Variants in FBXW7 observed in about 807,000 individuals in gnomAD.
FBXW7 encodes F-box/WD repeat-containing protein 7.
Under a neutral mutation model 86.3 loss-of-function variants are expected in FBXW7, and 11 were observed. The observed-to-expected ratio is 0.13, with a 90% CI of 0.08 to 0.21. FBXW7 has a LOEUF of 0.21. Among genes scored for constraint, FBXW7 ranks in the 10% least tolerant of loss-of-function variants. FBXW7 has a pLI of 1.00. For missense variants in FBXW7, 488 were observed against 847.4 expected (o/e 0.58, Z 5.27); for synonymous variants, 313 against 297.9 (o/e 1.05, Z -0.52).
intron 2 of FBXW7, among the ~76,000 whole-genome samples, chr4:152,498,034 T>G (rs910418813): frequency 1.3e-5 from 2 of 152,094 alleles, no homozygotes; most frequent in African/African-American, 2.4e-5. Flanking sequence ...AATGAGTACC[T>G]CCAAAGAAGG....
intron 4 of FBXW7, among the ~76,000 whole-genome samples, chr4:152,406,056 C>A (rs1737394881): frequency 6.6e-6 from 1 of 152,108 alleles, no homozygotes; most frequent in Non-Finnish European, 1.5e-5. Flanking sequence ...TGTCCTTTTT[C>A]TTCATACTGT....
intron 2 of FBXW7, among the ~76,000 whole-genome samples, chr4:152,501,686 T>G (rs747017028): frequency 2.0e-5 from 3 of 152,216 alleles, no homozygotes; most frequent in Non-Finnish European, 4.4e-5. Context: ...AAGTTTGTTG[T>G]AAACCTGATG....
intron 2 of FBXW7, among the ~76,000 whole-genome samples, chr4:152,481,163 C>CACTT (rs1744844341): frequency 6.6e-6 from 1 of 152,140 alleles, no homozygotes; most frequent in South Asian, 2.1e-4. Context: ...GAACAATGAT[C>CACTT]ACTTATCATT....
intron 4 of FBXW7, among the ~76,000 whole-genome samples, chr4:152,408,513 G>T (rs924023154): frequency 3.9e-5 from 6 of 152,082 alleles, no homozygotes; most frequent in African/African-American, 7.2e-5. Context: ...TTTTTTAACA[G>T]CGTCATTTGT....
At chr4:152,473,883 G>A (rs1579298631) in intron 2 of FBXW7, among the ~76,000 whole-genome samples, 2 of 151,788 alleles carry the variant, frequency 1.3e-5, no homozygotes, top group Admixed American at 6.6e-5. Context: ...AGGCACTCTA[G>A]AACAAAAAAG....
chr4:152,473,853 A>G (rs1027907997), intron 2 of FBXW7, among the ~76,000 whole-genome samples: 4 of 152,198 alleles, frequency 2.6e-5, no homozygotes, highest in African/African-American at 9.7e-5. Flanking sequence ...TTTTGATATG[A>G]ACAAAATTGT....
At chr4:152,437,353 T>C (rs1740475104) in intron 2 of FBXW7, among the ~76,000 whole-genome samples, 1 of 151,178 alleles carries the variant, frequency 6.6e-6, no homozygotes, top group Non-Finnish European at 1.5e-5. Context: ...CACTCCAGCC[T>C]GGGAGACAGA....
At chr4:152,511,154 G>T (rs926073346) in intron 2 of FBXW7, among the ~76,000 whole-genome samples, 1 of 151,578 alleles carries the variant, frequency 6.6e-6, no homozygotes, top group African/African-American at 2.4e-5. Context: ...ATAAAGTCTG[G>T]GATTTTATTC....
chr4:152,348,770 G>T (rs952474717), intron 5 of FBXW7: 8 of 930,212 alleles, frequency 8.6e-6, no homozygotes, highest in Non-Finnish European at 1.2e-5. Flanking sequence ...TCTCATCCAA[G>T]AAATACTTTA....
chr4:152,371,926 C>T (rs1386568898), intron 4 of FBXW7, among the ~76,000 whole-genome samples: 2 of 151,850 alleles, frequency 1.3e-5, no homozygotes, highest in African/African-American at 4.8e-5. Flanking sequence ...GAAAGGTGTG[C>T]TGTCTTATTC....
chr4:152,426,895 A>C (rs1166728743), intron 2 of FBXW7, among the ~76,000 whole-genome samples: 1 of 152,230 alleles, frequency 6.6e-6, no homozygotes, highest in Non-Finnish European at 1.5e-5. Flanking sequence ...AACTTGGGAA[A>C]ACAGAGTCAA....
intron 2 of FBXW7, among the ~76,000 whole-genome samples, chr4:152,505,101 T>C (rs1747288135): frequency 1.3e-5 from 2 of 152,216 alleles, no homozygotes; most frequent in African/African-American, 4.8e-5. Context: ...CATGTTACTG[T>C]ACTGAATACT....
chr4:152,432,324 CAAAGA>C (rs1457606551), intron 2 of FBXW7, among the ~76,000 whole-genome samples: 6 of 152,166 alleles, frequency 3.9e-5, no homozygotes, highest in Admixed American at 2.6e-4. Flanking sequence ...CCAAGAAGAG[CAAAGA>C]AAAGAAGACA....
chr4:152,436,170 C>T (rs79475723), intron 2 of FBXW7, among the ~76,000 whole-genome samples: 2,085 of 152,212 alleles, frequency 0.014, 26 homozygotes, highest in Middle Eastern at 0.037. Flanking sequence ...AAGAAAAGTT[C>T]TTGAAGGAAA....
intron 4 of FBXW7, among the ~76,000 whole-genome samples, chr4:152,356,245 T>C (rs1049795057): frequency 2.0e-5 from 3 of 152,110 alleles, no homozygotes; most frequent in Non-Finnish European, 1.5e-5. Flanking sequence ...ATCCAGAAAA[T>C]GATACAAAAC....
intron 6 of FBXW7, among the ~76,000 whole-genome samples, chr4:152,341,074 C>T (rs1249241907): frequency 6.6e-6 from 1 of 152,164 alleles, no homozygotes; most frequent in Admixed American, 6.5e-5. Context: ...TAGATTATTC[C>T]TGTAACTCCC....
chr4:152,427,462 T>C (rs908849305), intron 2 of FBXW7, among the ~76,000 whole-genome samples: 8 of 152,346 alleles, frequency 5.3e-5, no homozygotes, highest in Admixed American at 2.0e-4. Context: ...TAAGATAACC[T>C]GGGAGTGTTA....
intron 4 of FBXW7, among the ~76,000 whole-genome samples, chr4:152,410,133 G>T (rs563721757): frequency 6.6e-6 from 1 of 152,078 alleles, no homozygotes; most frequent in Non-Finnish European, 1.5e-5. Flanking sequence ...GCATTGTTCC[G>T]CAAGGCTTAG....
intron 2 of FBXW7, among the ~76,000 whole-genome samples, chr4:152,449,401 C>A (rs1054134951): frequency 4.6e-5 from 7 of 151,982 alleles, no homozygotes; most frequent in Admixed American, 1.3e-4. Flanking sequence ...AATATACAAG[C>A]AAAAATTCCC....
Sources: allele counts gnomAD v4.1 joint callset (sites outside exome capture counted in the v4.1 genomes callset), GRCh38; gene constraint gnomAD v4.1.1; transcripts MANE v1.5; gene names NCBI Gene and HGNC (gene_info 2026-07-23, HGNC 2026-07-21).